The following CFAP210 variants were observed in gnomAD, a reference collection of about 807,000 sequenced individuals.
CFAP210 encodes cilia- and flagella- associated protein 210.
chr2:169,660,687 T>C, the CFAP210 span, among the ~76,000 whole-genome samples: 1 of 151,372 alleles, frequency 6.6e-6, no homozygotes, highest in Non-Finnish European at 1.5e-5. Context: ...CACTGCAACC[T>C]CCACTTAGGG....
At chr2:169,654,301 T>C in the CFAP210 span, 1 of 1,160,626 alleles carries the variant, frequency 8.6e-7, no homozygotes. Flanking sequence ...TGTCAAATGG[T>C]CACAGCTTCT....
chr2:169,668,868 C>T, the CFAP210 span, among the ~76,000 whole-genome samples: 1 of 152,068 alleles, frequency 6.6e-6, no homozygotes, highest in East Asian at 1.9e-4. Context: ...GCGAGAGTTA[C>T]CAAAATGTGA....
the CFAP210 span, among the ~76,000 whole-genome samples, chr2:169,647,265 G>A: frequency 2.0e-5 from 3 of 152,044 alleles, no homozygotes; most frequent in Admixed American, 6.5e-5. Flanking sequence ...GCAGCAATTT[G>A]GATATGTTTA....
the CFAP210 span, among the ~76,000 whole-genome samples, chr2:169,646,856 G>A: frequency 6.6e-6 from 1 of 151,732 alleles, no homozygotes; most frequent in South Asian, 2.1e-4. Context: ...TGCTCTGGTT[G>A]GCAACTTCTC....
chr2:169,662,438 TA>T, the CFAP210 span: 2 of 1,570,812 alleles, frequency 1.3e-6, no homozygotes, highest in Non-Finnish European at 1.7e-6. Context: ...TCCTTTATTC[TA>T]AAGCAAAAAC....
the CFAP210 span, among the ~76,000 whole-genome samples, chr2:169,690,937 T>C: frequency 1.3e-5 from 2 of 152,172 alleles, no homozygotes; most frequent in Non-Finnish European, 2.9e-5. Flanking sequence ...TGTGTGATGT[T>C]TTTCATCAAA....
At chr2:169,662,171 C>T in the CFAP210 span, 3 of 1,182,662 alleles carry the variant, frequency 2.5e-6, no homozygotes. Context: ...ATGCATGGGT[C>T]AAAATACCAC....
At chr2:169,677,517 G>A in the CFAP210 span, among the ~76,000 whole-genome samples, 2 of 152,106 alleles carry the variant, frequency 1.3e-5, no homozygotes, top group African/African-American at 4.8e-5. Context: ...ATCCATTTCT[G>A]ATTTTAAAAG....
At chr2:169,648,156 C>A in the CFAP210 span, 3 of 123,620 alleles carry the variant, frequency 2.4e-5, no homozygotes, top group Admixed American at 1.2e-4. Context: ...GAGCAAAACT[C>A]TGTCTCAAAA....
At chr2:169,652,857 G>A in the CFAP210 span, among the ~76,000 whole-genome samples, 4 of 148,066 alleles carry the variant, frequency 2.7e-5, no homozygotes, top group South Asian at 6.4e-4. Flanking sequence ...AAAACTAGCC[G>A]GGCCTGGTGG....
chr2:169,650,293 T>C, the CFAP210 span: 3 of 1,511,656 alleles, frequency 2.0e-6, no homozygotes, highest in Non-Finnish European at 2.6e-6. Flanking sequence ...CCTAACTCTG[T>C]CTTTCTATTT....
the CFAP210 span, chr2:169,661,146 T>C: frequency 1.7e-6 from 1 of 571,596 alleles, no homozygotes; most frequent in Non-Finnish European, 3.5e-6. Flanking sequence ...ATTCATAAAA[T>C]TTCTTTAATT....
At chr2:169,692,976 T>C in the CFAP210 span, among the ~76,000 whole-genome samples, 6 of 152,238 alleles carry the variant, frequency 3.9e-5, no homozygotes, top group Non-Finnish European at 7.3e-5. Flanking sequence ...CCAGCTGTTT[T>C]TCTTTAGTAA....
At chr2:169,683,118 T>G in the CFAP210 span, among the ~76,000 whole-genome samples, 1 of 152,080 alleles carries the variant, frequency 6.6e-6, no homozygotes, top group Non-Finnish European at 1.5e-5. Context: ...CAGGTAGAGG[T>G]GAGAACTTGG....
At chr2:169,681,426 G>A in the CFAP210 span, 1 of 610,714 alleles carries the variant, frequency 1.6e-6, no homozygotes, top group Non-Finnish European at 2.9e-6. Context: ...GCATATATTT[G>A]AGTCCTTGCT....
the CFAP210 span, among the ~76,000 whole-genome samples, chr2:169,672,079 A>G: frequency 6.6e-6 from 1 of 152,314 alleles, no homozygotes; most frequent in East Asian, 1.9e-4. Context: ...CCCTATTCGT[A>G]ACAGTATTTT....
the CFAP210 span, chr2:169,646,145 G>T: frequency 6.2e-7 from 1 of 1,612,176 alleles, no homozygotes; most frequent in South Asian, 1.1e-5. Flanking sequence ...ATCTAATTCT[G>T]CTTGTTTTGC....
chr2:169,688,681 T>C, the CFAP210 span, among the ~76,000 whole-genome samples: 3 of 152,232 alleles, frequency 2.0e-5, no homozygotes, highest in African/African-American at 7.2e-5. Context: ...CTCATCTCCA[T>C]CTGAGACCAT....
At chr2:169,688,331 A>C in the CFAP210 span, among the ~76,000 whole-genome samples, 43 of 152,272 alleles carry the variant, frequency 2.8e-4, no homozygotes, top group African/African-American at 9.6e-4. Context: ...TCAGGCTACA[A>C]ATTTTCTGAA....
Sources: allele counts gnomAD v4.1 joint callset (sites outside exome capture counted in the v4.1 genomes callset), GRCh38; gene constraint gnomAD v4.1.1; transcripts MANE v1.5; gene names NCBI Gene and HGNC (gene_info 2026-07-23, HGNC 2026-07-21).